Variants in ELK4 observed in about 807,000 individuals in gnomAD.
The protein encoded by ELK4 is ETS domain-containing protein Elk-4.
In ELK4, 16 loss-of-function variants were observed where a neutral mutation model predicts 29.6. The ratio of observed to expected loss-of-function variants is 0.54; its 90% CI spans 0.37 to 0.82. The LOEUF (loss-of-function observed/expected upper bound fraction) is 0.82. ELK4 is among the 40% of genes least tolerant of loss of function. The pLI, the probability that ELK4 is intolerant of heterozygous loss-of-function variation, is 0.00. For missense variants in ELK4, 465 were observed against 507.1 expected, an observed-to-expected ratio of 0.92 and a Z score of 0.80; for synonymous variants, 213 against 191.1, an observed-to-expected ratio of 1.11 and a Z score of -0.95.
At position 205,612,309 on chromosome 1, in the gene ELK4, T is replaced by C. The variant is rs1670162920; in HGVS notation, c.*4237A>G. The C allele has an allele frequency of 4.8e-6, 1 of 210,406 alleles. No homozygotes were observed. Among genetic ancestry groups the C allele is most frequent in the South Asian group, 1.9e-4 (1 of 5,342 alleles). 13.0% of individuals were successfully genotyped at this position (210,406 alleles called of 1,614,324 possible). A position where few individuals can be genotyped will look rare whatever the true frequency, so the allele number is the denominator to read the frequency against. On this transcript the variant is annotated 3_prime_UTR_variant, in exon 5 of 5. Transcript: ENST00000357992. ...GAATGAGAATATCCTGAGTCAGCAG[T>C]CTTTAGGAAAAGCGTGTGCTTCTGG...
At position 205,612,157 on chromosome 1, in the gene ELK4, T is replaced by G. The variant is rs763422102; in HGVS notation, c.*4389A>C. The G allele has an allele frequency of 2.0e-5, 4 of 200,272 alleles. No individual in the cohort carries two copies. Among genetic ancestry groups the G allele is most frequent in the Non-Finnish European group, 4.1e-5 (4 of 97,198 alleles). 12.4% of individuals were successfully genotyped at this position (200,272 alleles called of 1,614,324 possible). A position where few individuals can be genotyped will look rare whatever the true frequency, so the allele number is the denominator to read the frequency against. On this transcript the variant is annotated 3_prime_UTR_variant, in exon 5 of 5. Transcript: ENST00000357992. ...GAAAACATGTGGTAATGGATTATTA[T>G]TTGGGAATTTATCAAAAAGAATTAA... is the stretch of plus-strand genomic sequence containing the variant.
At chr1:205,628,457 AGAT>A (rs1231337649) in intron 1 of ELK4, among the ~76,000 whole-genome samples, 9 of 152,202 alleles carry the variant, frequency 5.9e-5, no homozygotes, top group African/African-American at 2.2e-4. Context: ...TCCATTCGTG[AGAT>A]GATGAAGGAA....
rs1040991007 is a variant in ELK4, at chr1:205,617,793, C to T, written c.1198-1149G>A. ...GCACATGCCTATAATCCTGGCTACT[C>T]GGGAGGCTGAGGCAGGAGAACCGCT... On this transcript the variant is annotated intron_variant, in intron 4 of 4. Coordinates refer to ENST00000357992, the MANE Select transcript of ELK4 (RefSeq NM_001973.4). 1.6e-4 allele frequency among the ~76,000 whole-genome samples: 24 copies of T among 152,010 alleles called. No homozygotes were observed. In the South Asian group the frequency reaches 2.5e-3, roughly 16 times the overall value.
Position 205,614,153 on chromosome 1 carries a change from T to A in ELK4, c.*2393A>T. On this transcript the variant is annotated 3_prime_UTR_variant, in exon 5 of 5. Transcript: ENST00000357992. ...ACACCTCTGAGAGGCTATAGATTTA[T>A]GCAAAAAGGACTCACTAAAATGGTT... 4.5e-6 allele frequency: 1 copy of A among 221,762 alleles called. No homozygotes were observed. The highest frequency in any genetic ancestry group is 9.0e-6 in the Non-Finnish European group (1 of 110,854). 13.7% of individuals were successfully genotyped at this position (221,762 alleles called of 1,614,324 possible).
rs538908824 is a variant in ELK4 at position 205,619,953 on chromosome 1, G to C, written c.1080+13C>G. On this transcript the variant is annotated intron_variant, in intron 3 of 4. Coordinates refer to ENST00000357992, the MANE Select transcript of ELK4 (RefSeq NM_001973.4). ...GAAAGCAATGGTGACACCATAAAGA[G>C]CGAGCAAGCTACCTGTGAAAAAAAT... The C allele has an allele frequency of 1.5e-4, 236 of 1,614,200 alleles. 5 individuals carry two copies. In the South Asian group the frequency reaches 1.7e-3, roughly 12 times the overall value.
chr1:205,612,537 T>C lies in ELK4; in HGVS notation c.*4009A>G, dbSNP rs1398946725. On this transcript the variant is annotated 3_prime_UTR_variant, in exon 5 of 5. Coordinates refer to ENST00000357992, the MANE Select transcript of ELK4 (RefSeq NM_001973.4). Reference sequence around the variant, plus strand: ...AGTTTTTATGTTCAATAACTCTTACTGATCAATTTGTGTGTTCAAAAAGGC... The same window carrying C: ...AGTTTTTATGTTCAATAACTCTTACCGATCAATTTGTGTGTTCAAAAAGGC... The C allele has an allele frequency of 4.7e-6, 1 of 213,484 alleles. No homozygotes were observed. The highest frequency in any genetic ancestry group is 7.0e-5 in the East Asian group (1 of 14,312). The allele number at this position is 213,484 out of a possible 1,614,324, so 13.2% of individuals were successfully genotyped here.
At chr1:205,624,781 C>T (rs142961913) in intron 1 of ELK4, among the ~76,000 whole-genome samples, 148 of 152,222 alleles carry the variant, frequency 9.7e-4, no homozygotes, top group African/African-American at 3.2e-3. Flanking sequence ...CCAGTAGCAC[C>T]GCCTGCCCCA....
Position 205,610,631 on chromosome 1 carries a change from C to T in ELK4, c.*5915G>A, listed in dbSNP as rs143957709. 28 of 230,546 alleles carry T rather than the reference C, an allele frequency of 1.2e-4. No individual in the cohort carries two copies. Among genetic ancestry groups the T allele is most frequent in the Middle Eastern group, 2.6e-3 (2 of 778 alleles). 14.3% of individuals were successfully genotyped at this position (230,546 alleles called of 1,614,324 possible). A position where few individuals can be genotyped will look rare whatever the true frequency, so the allele number is the denominator to read the frequency against. The stretch of plus-strand genomic sequence containing the variant: ...ATTTCTAAAATGTTGGTGAGCAATT[C>T]ATCTTTAAGGCCTACTGAAATGTGC... On this transcript the variant is annotated 3_prime_UTR_variant, in exon 5 of 5. Transcript: ENST00000357992.
chr1:205,617,589 C>T (rs1004092208), intron 4 of ELK4, among the ~76,000 whole-genome samples: 8 of 151,428 alleles, frequency 5.3e-5, no homozygotes, highest in Non-Finnish European at 1.2e-4. Context: ...ATTTTCAAGA[C>T]CTTTCTCTAT....
intron 1 of ELK4, 104 bp from the exon 2 acceptor site, chr1:205,623,995 CCCA>C: frequency 1.9e-6 from 2 of 1,041,670 alleles, no homozygotes; most frequent in South Asian, 1.5e-5. Flanking sequence ...TTAATTCATC[CCCA>C]CATTTCTATA....
intron 1 of ELK4, among the ~76,000 whole-genome samples, chr1:205,629,016 T>C (rs1670520129): frequency 6.6e-6 from 1 of 151,552 alleles, no homozygotes; most frequent in Admixed American, 6.6e-5. Flanking sequence ...CTATTAAAAA[T>C]ACAAACAATT....
chr1:205,623,935 C>T, intron 1 of ELK4, 44 bp from the exon 2 acceptor site: 3 of 1,560,588 alleles, frequency 1.9e-6, no homozygotes, highest in Non-Finnish European at 2.6e-6. Context: ...TAACAGCCAA[C>T]ACCTATTTAA....
Position 205,608,478 on chromosome 1 carries a change from A to C in ELK4, c.*8068T>G, listed in dbSNP as rs1670105447. On this transcript the variant is annotated 3_prime_UTR_variant, in exon 5 of 5. Transcript: ENST00000357992. The stretch of plus-strand genomic sequence containing the variant: ...GTAAGTCAGACTGCTTAGCTAGGAG[A>C]TGTGGCAGCTTCCCTCCAGCTGTTT... 1 of 197,966 alleles carries C rather than the reference A, an allele frequency of 5.1e-6. No homozygotes were observed. Among genetic ancestry groups the C allele is most frequent in the African/African-American group, 2.3e-5 (1 of 43,370 alleles). 12.3% of individuals were successfully genotyped at this position (197,966 alleles called of 1,614,324 possible).
intron 2 of ELK4, among the ~76,000 whole-genome samples, chr1:205,621,588 C>T (rs1670351302): frequency 6.6e-6 from 1 of 152,028 alleles, no homozygotes. Flanking sequence ...GGTGTGATCT[C>T]AGCTCACTGC....
chr1:205,619,658 C>A lies in ELK4; in HGVS notation c.1080+308G>T, dbSNP rs112750957. 5.6e-4 allele frequency: 768 copies of A among 1,368,334 alleles called. 1 individual carries two copies. The African/African-American group carries it at 0.01, about 18-fold the overall frequency. The allele number at this position is 1,368,334 out of a possible 1,614,324, so 84.8% of individuals were successfully genotyped here. On this transcript the variant is annotated intron_variant, in intron 3 of 4. Coordinates refer to ENST00000357992, the MANE Select transcript of ELK4 (RefSeq NM_001973.4). The stretch of plus-strand genomic sequence containing the variant: ...TTATCACTGTTTGTTTTATAAGACA[C>A]CAACGAGTTTTATAAGACCGAGAGA...
rs771878445 is a variant in ELK4 at position 205,618,978 on chromosome 1, T to C, written c.1176A>G (p.Gln392=). Residue 392 remains glutamine (Q), a synonymous_variant, in exon 4 of 5, where the codon CAA becomes CAG. Coordinates refer to ENST00000357992, the MANE Select transcript of ELK4 (RefSeq NM_001973.4). ...TTACCTGGAAAAGTGTGTTAGCACCTTGCAGTCTGGCTGGACTTAGGGGAG... is the reference window on the plus strand; with the variant it reads ...TTACCTGGAAAAGTGTGTTAGCACCCTGCAGTCTGGCTGGACTTAGGGGAG... The part of the protein sequence containing the change: ...PVAPLSPARL[Q]GANTLFQFPS... The C allele has an allele frequency of 1.9e-6, 3 of 1,610,400 alleles. No individual in the cohort carries two copies. Among genetic ancestry groups the C allele is most frequent in the Admixed American group, 1.7e-5 (1 of 59,134 alleles).
intron 1 of ELK4, among the ~76,000 whole-genome samples, chr1:205,627,797 CTT>C (rs1670496252): frequency 6.6e-6 from 1 of 152,208 alleles, no homozygotes. Context: ...GTTTCTATAA[CTT>C]TTCTGAAACA....
chr1:205,626,090 G>C, intron 1 of ELK4: 3 of 933,622 alleles, frequency 3.2e-6, no homozygotes, highest in Non-Finnish European at 5.3e-6. Flanking sequence ...AGCTCTACCA[G>C]GAACACCATG....
chr1:205,631,744 A>AC lies in ELK4; in HGVS notation c.-123dup. The AC allele has an allele frequency of 3.3e-6, 1 of 299,178 alleles. No individual in the cohort carries two copies. Among genetic ancestry groups the AC allele is most frequent in the Non-Finnish European group, 7.0e-6 (1 of 142,670 alleles). The allele number at this position is 299,178 out of a possible 1,614,324, so 18.5% of individuals were successfully genotyped here. ...CGAGGACGGCGCGGCAGCCGCTGCG[A>AC]CCCCCGCGGCGGAGCCGTAGAAGGC... On this transcript the variant is annotated 5_prime_UTR_variant, in exon 1 of 5. An upstream open reading frame in the 5' UTR loses its in-frame stop. Coordinates refer to ENST00000357992, the MANE Select transcript of ELK4 (RefSeq NM_001973.4).
Sources: allele counts gnomAD v4.1 joint callset (sites outside exome capture counted in the v4.1 genomes callset), GRCh38; gene constraint gnomAD v4.1.1; transcripts MANE v1.5; gene names NCBI Gene and HGNC (gene_info 2026-07-23, HGNC 2026-07-21).